COL5A2: variants seen among roughly 807,000 people sequenced by gnomAD.
COL5A2 encodes the protein collagen type V alpha 2 chain.
In COL5A2, 23 loss-of-function variants were observed where a neutral mutation model predicts 208.2. That is an observed-to-expected ratio of 0.11 (90% CI 0.08 to 0.16). COL5A2 has a LOEUF of 0.16. Among genes scored for constraint, COL5A2 ranks in the 10% least tolerant of loss-of-function variants. The pLI is 1.00. For missense variants in COL5A2, 1,590 were observed against 1,956.4 expected, an observed-to-expected ratio of 0.81 and a Z score of 3.53; for synonymous variants, 625 against 628.5, an observed-to-expected ratio of 0.99 and a Z score of 0.08.
chr2:189,223,948 T>C (rs561461293), intron 1 of COL5A2, among the ~76,000 whole-genome samples: 1 of 152,298 alleles, frequency 6.6e-6, no homozygotes, highest in South Asian at 2.1e-4. Context: ...GTATGTACAC[T>C]ATACTTCAAT....
chr2:189,223,914 C>A (rs1248207119), intron 1 of COL5A2, among the ~76,000 whole-genome samples: 1 of 152,076 alleles, frequency 6.6e-6, no homozygotes, highest in Non-Finnish European at 1.5e-5. Context: ...GTGGGTTGTA[C>A]ACAAATTATA....
upstream of COL5A2, among the ~76,000 whole-genome samples, chr2:189,229,368 T>A (rs1006925661): frequency 3.3e-5 from 5 of 151,388 alleles, no homozygotes; most frequent in African/African-American, 1.2e-4. Context: ...AGGAAAATTA[T>A]CCCTGTTCAT....
chr2:189,193,818 T>C (rs1688961042), intron 1 of COL5A2, among the ~76,000 whole-genome samples: 1 of 152,174 alleles, frequency 6.6e-6, no homozygotes, highest in Non-Finnish European at 1.5e-5. Flanking sequence ...CAAATCTGCA[T>C]AAGGCCAGAT....
upstream of COL5A2, among the ~76,000 whole-genome samples, chr2:189,180,677 A>G (rs768779208): frequency 2.8e-4 from 43 of 152,344 alleles, no homozygotes; most frequent in Non-Finnish European, 5.7e-4. Flanking sequence ...TGAGTAATGT[A>G]TTATTAATGA....
At position 189,058,886 on chromosome 2, in the gene COL5A2, G is replaced by C. The variant is rs1386223735; in HGVS notation, c.2093C>G (p.Pro698Arg). Residue 698 changes from proline (P) to arginine (R), a missense_variant, in exon 32 of 54, where the codon CCT becomes CGT. Transcript: ENST00000374866. ...EGGKPGDQGV[P>R]GDPGAVGPLG... The stretch of plus-strand genomic sequence containing the variant: ...CGGGCCAACTGCTCCGGGATCTCCA[G>C]GAACACCCTATAAACACATTTTTTT... 6.3e-7 allele frequency: 1 copy of C among 1,592,592 alleles called. No individual in the cohort carries two copies.
At chr2:189,048,698 A>G (rs1277858637) in intron 44 of COL5A2, among the ~76,000 whole-genome samples, 1 of 152,050 alleles carries the variant, frequency 6.6e-6, no homozygotes, top group African/African-American at 2.4e-5. Context: ...TTTTATTGTG[A>G]TTTTTTTCAT....
chr2:189,240,996 A>G, the COL5A2 span, among the ~76,000 whole-genome samples: 1 of 152,196 alleles, frequency 6.6e-6, no homozygotes, highest in Non-Finnish European at 1.5e-5. Context: ...AAACTTCCAA[A>G]TCTAATCACG....
At chr2:189,047,355 G>T (rs895685930) in intron 45 of COL5A2, among the ~76,000 whole-genome samples, 1 of 152,146 alleles carries the variant, frequency 6.6e-6, no homozygotes, top group African/African-American at 2.4e-5. Context: ...GCAGTCTGTG[G>T]ATTATAGTAG....
chr2:189,149,738 C>G (rs1485909845), intron 1 of COL5A2, among the ~76,000 whole-genome samples: 1 of 152,054 alleles, frequency 6.6e-6, no homozygotes, highest in Non-Finnish European at 1.5e-5. Context: ...TTGCATTTTC[C>G]TAAGTGTTTA....
chr2:189,382,037 C>A, the COL5A2 span, among the ~76,000 whole-genome samples: 1 of 152,040 alleles, frequency 6.6e-6, no homozygotes, highest in Non-Finnish European at 1.5e-5. Flanking sequence ...GTAATAATTT[C>A]CTGCTGTTGT....
intron 17 of COL5A2, among the ~76,000 whole-genome samples, chr2:189,072,965 C>T (rs1199963094): frequency 1.3e-5 from 2 of 152,154 alleles, no homozygotes; most frequent in South Asian, 2.1e-4. Context: ...AAGGATTGTA[C>T]TTTAGTCTCA....
At chr2:189,403,756 A>G in the COL5A2 span, among the ~76,000 whole-genome samples, 1 of 152,346 alleles carries the variant, frequency 6.6e-6, no homozygotes, top group African/African-American at 2.4e-5. Flanking sequence ...CTTACATCCC[A>G]GGGATGAAGC....
the COL5A2 span, among the ~76,000 whole-genome samples, chr2:189,391,538 G>A: frequency 6.6e-6 from 1 of 152,112 alleles, no homozygotes; most frequent in Non-Finnish European, 1.5e-5. Context: ...GATGTGCAAA[G>A]TGTAATTACT....
chr2:189,047,769 A>G (rs1195084531), intron 45 of COL5A2, among the ~76,000 whole-genome samples: 2 of 152,218 alleles, frequency 1.3e-5, no homozygotes, highest in African/African-American at 4.8e-5. Context: ...TCAGTTCAGC[A>G]CATTCTAATT....
chr2:189,315,898 C>A, the COL5A2 span, among the ~76,000 whole-genome samples: 1 of 152,032 alleles, frequency 6.6e-6, no homozygotes, highest in African/African-American at 2.4e-5. Flanking sequence ...CACTGAGATA[C>A]CATCTTACAC....
chr2:189,260,863 C>T, the COL5A2 span, among the ~76,000 whole-genome samples: 2 of 152,264 alleles, frequency 1.3e-5, no homozygotes, highest in South Asian at 2.1e-4. Flanking sequence ...TGGACAGACA[C>T]TATTATTCTC....
chr2:189,038,382 T>G (rs1259190700), intron 51 of COL5A2, among the ~76,000 whole-genome samples: 1 of 152,250 alleles, frequency 6.6e-6, no homozygotes, highest in Admixed American at 6.5e-5. Context: ...TATGGCCACA[T>G]AATGTTCCAT....
At chr2:189,292,495 A>G in the COL5A2 span, among the ~76,000 whole-genome samples, 1 of 152,208 alleles carries the variant, frequency 6.6e-6, no homozygotes, top group Non-Finnish European at 1.5e-5. Context: ...CAAAAAACAC[A>G]TGAAAAAATG....
rs367623074 is a variant in COL5A2 at position 189,050,594 on chromosome 2, C to G, written c.3014G>C (p.Gly1005Ala). ...VGMPGQRGER[G>A]MPGLPGPAGT... The stretch of plus-strand genomic sequence containing the variant: ...CGCTGGGCCTGGTAGGCCGGGCATG[C>G]CTCTCTCTCCACGTTGCCCAGGCAT... Residue 1005 changes from glycine to alanine, a missense_variant, in exon 43 of 54, where the codon GGC (glycine) becomes GCC (alanine). Physicochemically the swap from Gly to Ala is moderately conservative, Grantham distance 60. Coordinates refer to ENST00000374866, the MANE Select transcript of COL5A2 (RefSeq NM_000393.5). The G allele has an allele frequency of 1.3e-6, 2 of 1,551,866 alleles. No homozygotes were observed. Among genetic ancestry groups the G allele is most frequent in the East Asian group, 2.4e-5 (1 of 40,928 alleles).
Sources: allele counts gnomAD v4.1 joint callset (sites outside exome capture counted in the v4.1 genomes callset), GRCh38; gene constraint gnomAD v4.1.1; transcripts MANE v1.5; gene names NCBI Gene and HGNC (gene_info 2026-07-23, HGNC 2026-07-21).